MDN1: variants seen among roughly 807,000 people sequenced by gnomAD.
MDN1 encodes midasin AAA ATPase 1, also known as midasin.
MDN1 carries 266 observed loss-of-function variants against 669.2 expected under a neutral mutation model. The ratio of observed to expected loss-of-function variants is 0.40; its 90% CI spans 0.36 to 0.44. The LOEUF (loss-of-function observed/expected upper bound fraction) is 0.44, where lower values mean the gene tolerates loss of function less well. Ranked by LOEUF, MDN1 falls within the 20% of genes least tolerant of loss-of-function variation. The pLI is 1.00. For synonymous variants in MDN1, 2,385 were observed against 2,457.1 expected (o/e 0.97, Z 0.87); for missense variants, 5,940 against 6,754.0 (o/e 0.88, Z 4.22).
At chr6:89,671,902 T>C (rs1423441665) in intron 82 of MDN1, among the ~76,000 whole-genome samples, 1 of 152,254 alleles carries the variant, frequency 6.6e-6, no homozygotes, top group East Asian at 1.9e-4. Flanking sequence ...TAACATCGTC[T>C]ATCAGTAACA....
At chr6:89,815,386 G>T in intron 1 of MDN1, 1 of 420,524 alleles carries the variant, frequency 2.4e-6, no homozygotes. Flanking sequence ...ATTCATGACT[G>T]AGGAAGTGCC....
At chr6:89,702,997 G>A (rs970928655) in intron 53 of MDN1, among the ~76,000 whole-genome samples, 1 of 150,670 alleles carries the variant, frequency 6.6e-6, no homozygotes, top group African/African-American at 2.4e-5. Flanking sequence ...GTGCAATGGC[G>A]CAATCTCAGC....
chr6:89,699,762 T>A, intron 57 of MDN1, 35 bp from the exon 58 acceptor site: 1 of 1,609,744 alleles, frequency 6.2e-7, no homozygotes, highest in East Asian at 2.2e-5. Context: ...GGGTGGGGTA[T>A]GGACTATCAA....
At chr6:89,673,691 GAATA>G in intron 79 of MDN1, 1 of 537,580 alleles carries the variant, frequency 1.9e-6, no homozygotes. Flanking sequence ...TTTAGTAATG[GAATA>G]AATTACTAAA....
chr6:89,788,725 G>A (rs1819097188), intron 7 of MDN1, among the ~76,000 whole-genome samples: 1 of 152,166 alleles, frequency 6.6e-6, no homozygotes, highest in Non-Finnish European at 1.5e-5. Flanking sequence ...AAAGGAGCTA[G>A]ACTAGAGGAA....
At chr6:89,649,439 GTTGC>G (rs1472782194) in intron 97 of MDN1, among the ~76,000 whole-genome samples, 1 of 152,150 alleles carries the variant, frequency 6.6e-6, no homozygotes, top group Non-Finnish European at 1.5e-5. Flanking sequence ...CAAATTTTAG[GTTGC>G]TTATTAGCCC....
In MDN1 at chr6:89,774,612, C is replaced by T. The variant is rs770061355; in HGVS notation, c.1934+9G>A. 16 of 1,604,198 alleles carry T rather than the reference C, an allele frequency of 1.0e-5. No individual in the cohort carries two copies. In the East Asian group the frequency reaches 3.6e-4, roughly 36 times the overall value. ...CACAGTTGGCAGCTTAGTTTAGAGC[C>T]CTACTTACCTCTGTAGGTGAACAGC... is the stretch of plus-strand genomic sequence containing the variant. On this transcript the variant is annotated intron_variant, in intron 13 of 101. Coordinates refer to ENST00000369393, the MANE Select transcript of MDN1 (RefSeq NM_014611.3).
At chr6:89,793,666 T>C in intron 5 of MDN1, 96 bp downstream of exon 5, 1 of 971,338 alleles carries the variant, frequency 1.0e-6, no homozygotes, top group Non-Finnish European at 1.4e-6. Context: ...AAACTAAATT[T>C]AGCTCACACC....
intron 4 of MDN1, 72 bp from the exon 5 acceptor site, chr6:89,794,026 T>TGGCCTGTCACCCCC: frequency 7.0e-7 from 1 of 1,428,586 alleles, no homozygotes; most frequent in East Asian, 2.3e-5. Flanking sequence ...CAGTCACCTC[T>TGGCCTGTCACCCCC]GGCCTGTCAC....
rs1417547527 is a variant in MDN1, at chr6:89,749,756, G to A, written c.3407-5C>T. The stretch of plus-strand genomic sequence containing the variant: ...TCATGGCATCAATAAGAACACCTAG[G>A]AAGAAACAAACAGCAAGAACTAGTG... On this transcript the variant is annotated splice_polypyrimidine_tract_variant and splice_region_variant and intron_variant, in intron 24 of 101. Coordinates refer to ENST00000369393, the MANE Select transcript of MDN1 (RefSeq NM_014611.3). 6.3e-7 allele frequency: 1 copy of A among 1,594,874 alleles called. No individual in the cohort carries two copies. The highest frequency in any genetic ancestry group is 8.6e-7 in the Non-Finnish European group (1 of 1,162,734).
At position 89,744,505 on chromosome 6, in the gene MDN1, C is replaced by A. The variant is rs912629605; in HGVS notation, c.4178+768G>T. Among the ~76,000 whole-genome samples the A allele has an allele frequency of 5.6e-4, 85 of 152,016 alleles. 1 individual carries two copies. The highest frequency in any genetic ancestry group is 1.8e-3 in the African/African-American group (73 of 41,420). The stretch of plus-strand genomic sequence containing the variant: ...GCAATCTCTGCCTCCCAGGCTCAAG[C>A]GATTCTTCTGCCTCAACCTCCTGAC... On this transcript the variant is annotated intron_variant, in intron 29 of 101. Transcript: ENST00000369393.
intron 90 of MDN1, among the ~76,000 whole-genome samples, chr6:89,657,671 T>G (rs1370896413): frequency 2.0e-5 from 3 of 152,212 alleles, no homozygotes; most frequent in African/African-American, 7.2e-5. Context: ...TTTCTTATTA[T>G]GCACACCACT....
rs751234979 is a variant in MDN1, at chr6:89,700,332, G to GT, written c.8639-39dup. 3 of 1,507,674 alleles carry GT rather than the reference G, an allele frequency of 2.0e-6. No individual in the cohort carries two copies. In the African/African-American group the frequency reaches 4.1e-5, roughly 21 times the overall value. The allele number at this position is 1,507,674 out of a possible 1,614,324, so 93.4% of individuals were successfully genotyped here. ...ACAAATGTTGTATGAGAGCACAATG[G>GT]TTAAGAGTATAGCCTCTAGATTCTC... On this transcript the variant is annotated intron_variant, in intron 56 of 101. Coordinates refer to ENST00000369393, the MANE Select transcript of MDN1 (RefSeq NM_014611.3).
intron 1 of MDN1, among the ~76,000 whole-genome samples, chr6:89,813,089 C>T (rs866525905): frequency 1.1e-4 from 16 of 152,102 alleles, no homozygotes; most frequent in South Asian, 2.1e-4. Flanking sequence ...TATAGGCATG[C>T]GCCACCACGC....
At chr6:89,700,543 C>T in intron 56 of MDN1, 103 bp downstream of exon 56, 1 of 1,146,278 alleles carries the variant, frequency 8.7e-7, no homozygotes, top group Non-Finnish European at 1.3e-6. Context: ...CTCTACCCCT[C>T]ACATCACCCA....
intron 49 of MDN1, among the ~76,000 whole-genome samples, chr6:89,711,593 C>T (rs1307769722): frequency 6.6e-6 from 1 of 151,938 alleles, no homozygotes; most frequent in African/African-American, 2.4e-5. Flanking sequence ...CCCACAGATA[C>T]CAAGGGACAA....
Position 89,749,603 on chromosome 6 carries a change from T to G in MDN1, c.3555A>C (p.Ala1185=), listed in dbSNP as rs769053356. 15 of 1,614,196 alleles carry G rather than the reference T, an allele frequency of 9.3e-6. No homozygotes were observed. In the Admixed American group the frequency reaches 2.5e-4, roughly 27 times the overall value. Residue 1185 remains alanine (A), a synonymous_variant, in exon 25 of 102, where the codon GCA becomes GCC. Transcript: ENST00000369393. ...TGGCAAAAAGCATAAACCGAGGGTG[T>G]GCTTTAACAACTTCCTGTGTTTCTG... ...LVTETQEVVK[A]HPRFMLFATQ...
chr6:89,798,662 G>C (rs2128328211), intron 2 of MDN1, among the ~76,000 whole-genome samples: 1 of 152,316 alleles, frequency 6.6e-6, no homozygotes, highest in East Asian at 1.9e-4. Context: ...ATTGACTGTA[G>C]TGATGACTGC....
In MDN1 at chr6:89,715,768, G is replaced by A. The variant is rs148747464; in HGVS notation, c.6745C>T (p.Pro2249Ser). Reference protein sequence around the residue: ...LLMDNVNFCNPSVLDRLNALL... With the variant: ...LLMDNVNFCNSSVLDRLNALL... ...GCATTCAAACGATCCAACACTGATG[G>A]GCTGCAGAGACAGAATTCAGATGGT... Residue 2249 changes from proline to serine, a missense_variant and splice_region_variant, in exon 45 of 102, where the codon CCA (proline) becomes TCA (serine). Physicochemically the swap from Pro to Ser is moderately conservative, Grantham distance 74. Coordinates refer to ENST00000369393, the MANE Select transcript of MDN1 (RefSeq NM_014611.3). The A allele has an allele frequency of 1.2e-4, 189 of 1,598,544 alleles. No individual in the cohort carries two copies. Among genetic ancestry groups the A allele is most frequent in the Non-Finnish European group, 1.5e-4 (179 of 1,166,052 alleles).
Sources: gnomAD v4.1 joint callset for allele counts (sites outside exome capture counted in the v4.1 genomes callset) on GRCh38, gnomAD v4.1.1 for gene constraint, MANE v1.5 for transcripts, NCBI Gene and HGNC (gene_info 2026-07-23, HGNC 2026-07-21) for gene names.